The following EIF4E3 variants were observed in gnomAD, a reference collection of about 807,000 sequenced individuals.
EIF4E3 encodes the protein eukaryotic translation initiation factor 4E type 3.
A neutral mutation model predicts 31.7 loss-of-function variants in EIF4E3; 26 were observed. That is an observed-to-expected ratio of 0.82 (90% CI 0.60 to 1.14). The LOEUF (loss-of-function observed/expected upper bound fraction) is 1.14, where lower values mean the gene tolerates loss of function less well. Among genes scored for constraint, EIF4E3 ranks in the 50% most tolerant of loss-of-function variants. The pLI is 0.00. For synonymous variants in EIF4E3, 128 were observed against 107.7 expected (o/e 1.19, Z -1.17); for missense variants, 304 against 270.9 (o/e 1.12, Z -0.86).
chr3:71,746,674 A>T (rs933936411), intron 1 of EIF4E3, among the ~76,000 whole-genome samples: 2 of 152,162 alleles, frequency 1.3e-5, no homozygotes, highest in Non-Finnish European at 2.9e-5. Flanking sequence ...AATTTTTTTG[A>T]TAATTCTGTT....
the EIF4E3 span, among the ~76,000 whole-genome samples, chr3:71,665,198 A>C: frequency 1.3e-5 from 2 of 152,118 alleles, no homozygotes; most frequent in East Asian, 3.9e-4. Flanking sequence ...TATTTAAAAA[A>C]CTTATCCCAG....
At chr3:71,739,359 T>C (rs1467404446) in intron 1 of EIF4E3, among the ~76,000 whole-genome samples, 1 of 152,062 alleles carries the variant, frequency 6.6e-6, no homozygotes, top group Non-Finnish European at 1.5e-5. Context: ...TTTTCAGATA[T>C]GCAAGAGCTG....
rs1439772971 is a variant in EIF4E3, at chr3:71,676,641, C to T, written c.*8041G>A. On this transcript the variant is annotated 3_prime_UTR_variant, in exon 7 of 7. Coordinates refer to ENST00000425534, the MANE Select transcript of EIF4E3 (RefSeq NM_001134651.2). ...CTTAAAATGTATTTTACAATGAAAA[C>T]TTTGCCATATCTGAAAGTGTTTCTG... The T allele has an allele frequency of 4.0e-5, 6 of 151,840 alleles. No homozygotes were observed. The highest frequency in any genetic ancestry group is 1.5e-4 in the African/African-American group (6 of 41,292). 9.4% of individuals were successfully genotyped at this position (151,840 alleles called of 1,614,324 possible).
intron 1 of EIF4E3, among the ~76,000 whole-genome samples, chr3:71,739,398 C>G (rs761483470): frequency 6.6e-5 from 10 of 151,892 alleles, no homozygotes; most frequent in Admixed American, 6.6e-4. Context: ...AAATCAACAC[C>G]ATAAGAAATG....
intron 1 of EIF4E3, among the ~76,000 whole-genome samples, chr3:71,752,871 A>G (rs1466033956): frequency 6.6e-6 from 1 of 152,226 alleles, no homozygotes; most frequent in African/African-American, 2.4e-5. Context: ...GTCCTGCGAG[A>G]CAAATGCGGT....
At chr3:71,753,132 GC>G (rs2108171140) in intron 1 of EIF4E3, among the ~76,000 whole-genome samples, 1 of 152,244 alleles carries the variant, frequency 6.6e-6, no homozygotes, top group African/African-American at 2.4e-5. Flanking sequence ...CTACTTCCCG[GC>G]TCTCAACTCC....
At chr3:71,699,268 A>G (rs35269191) in intron 3 of EIF4E3, among the ~76,000 whole-genome samples, 9,532 of 152,110 alleles carry the variant, frequency 0.063, 448 homozygotes, top group Non-Finnish European at 0.099. Context: ...AACAAAAAAA[A>G]CCCCACAAAA....
rs1363196201 is a variant in EIF4E3 at position 71,676,258 on chromosome 3, C to T, written c.*8424G>A. The T allele has an allele frequency of 6.6e-6, 1 of 152,074 alleles. No individual in the cohort carries two copies. The highest frequency in any genetic ancestry group is 1.5e-5 in the Non-Finnish European group (1 of 68,024). The allele number at this position is 152,074 out of a possible 1,614,324, so 9.4% of individuals were successfully genotyped here. ...CTATATGTAAAATGATGTTTATCAC[C>T]TGTGATAAAACCAGAGAGAAATGCA... On this transcript the variant is annotated 3_prime_UTR_variant, in exon 7 of 7. Coordinates refer to ENST00000425534, the MANE Select transcript of EIF4E3 (RefSeq NM_001134651.2).
At chr3:71,669,551 T>G in the EIF4E3 span, among the ~76,000 whole-genome samples, 1 of 152,200 alleles carries the variant, frequency 6.6e-6, no homozygotes, top group Non-Finnish European at 1.5e-5. Context: ...AATATACAAA[T>G]GGATACGTTA....
At position 71,730,732 on chromosome 3, in the gene EIF4E3, T is replaced by C. The variant is rs554393712; in HGVS notation, c.-290-2109A>G. ...CTTTTTTTCTTTTTCTCTATTATTA[T>C]TGTTGTTGTTTTTTTTGAGACAGAG... On this transcript the variant is annotated intron_variant, in intron 1 of 7. Transcript: ENST00000295612. Among the ~76,000 whole-genome samples the C allele has an allele frequency of 1.1e-4, 16 of 141,190 alleles. No homozygotes were observed. The East Asian group carries it at 1.5e-3, about 14-fold the overall frequency. 92.6% of individuals were successfully genotyped at this position (141,190 alleles called of 152,430 possible).
At chr3:71,703,971 C>T (rs529375054) in intron 2 of EIF4E3, among the ~76,000 whole-genome samples, 1 of 152,178 alleles carries the variant, frequency 6.6e-6, no homozygotes, top group East Asian at 1.9e-4. Flanking sequence ...TATTTATGGG[C>T]AGGGCCAATA....
intron 5 of EIF4E3, among the ~76,000 whole-genome samples, chr3:71,691,055 T>G (rs1179463418): frequency 6.6e-6 from 1 of 152,228 alleles, no homozygotes. Flanking sequence ...TTTACATAAA[T>G]TTGCAGCAAA....
Position 71,682,516 on chromosome 3 carries a change from T to G in EIF4E3, c.*2166A>C, listed in dbSNP as rs1201456767. 2 of 152,256 alleles carry G rather than the reference T, an allele frequency of 1.3e-5. No homozygotes were observed. Among genetic ancestry groups the G allele is most frequent in the Non-Finnish European group, 2.9e-5 (2 of 68,046 alleles). 9.4% of individuals were successfully genotyped at this position (152,256 alleles called of 1,614,324 possible). On this transcript the variant is annotated 3_prime_UTR_variant, in exon 7 of 7. Coordinates refer to ENST00000425534, the MANE Select transcript of EIF4E3 (RefSeq NM_001134651.2). ...TACAAAGTCTATTATGATTAAATAT[T>G]CAATTAAAACAATTTCCAAACCAAA... is the stretch of plus-strand genomic sequence containing the variant.
chr3:71,754,046 C>T (rs1456666263), upstream of EIF4E3: 3 of 1,245,570 alleles, frequency 2.4e-6, no homozygotes, highest in Non-Finnish European at 3.1e-6. This position sits in a 1 kb window ranked among gnomAD's most constrained non-coding sequence, Gnocchi z 5.8. Context: ...CTGGTGAGGC[C>T]GCGATGGCGA....
In EIF4E3 at chr3:71,714,281, G is replaced by C. The variant is rs867594863; in HGVS notation, c.177-3797C>G. 2.1e-3 allele frequency among the ~76,000 whole-genome samples: 246 copies of C among 119,546 alleles called. 1 individual carries two copies. The highest frequency in any genetic ancestry group is 0.011 in the South Asian group (41 of 3,672). The allele number at this position is 119,546 out of a possible 152,430, so 78.4% of individuals were successfully genotyped here. On this transcript the variant is annotated intron_variant, in intron 1 of 6. Coordinates refer to ENST00000425534, the MANE Select transcript of EIF4E3 (RefSeq NM_001134651.2). ...AGGAAGGAAGGAAGGAAAGAAGGAA[G>C]GAAGGAAGGAAGGAAGGAAGGAACG...
At chr3:71,715,506 A>C (rs927030890) in intron 1 of EIF4E3, among the ~76,000 whole-genome samples, 1 of 152,246 alleles carries the variant, frequency 6.6e-6, no homozygotes, top group African/African-American at 2.4e-5. Context: ...GGTGGGAAAG[A>C]AAGCTGAGGG....
intron 3 of EIF4E3, among the ~76,000 whole-genome samples, chr3:71,698,680 A>T (rs4387935): frequency 6.6e-6 from 1 of 151,980 alleles, no homozygotes; most frequent in African/African-American, 2.4e-5. Flanking sequence ...TGAGACCCAG[A>T]CCTGGGATTT....
At chr3:71,662,310 GA>G in the EIF4E3 span, among the ~76,000 whole-genome samples, 1 of 149,924 alleles carries the variant, frequency 6.7e-6, no homozygotes. Flanking sequence ...CCAGCTAAGT[GA>G]TGCTGGGCAA....
chr3:71,696,263 T>C (rs1424710074), intron 4 of EIF4E3, among the ~76,000 whole-genome samples, 197 bp downstream of exon 4: 2 of 152,210 alleles, frequency 1.3e-5, no homozygotes, highest in Non-Finnish European at 2.9e-5. Context: ...ACCACGTCTA[T>C]AGAGAAGCAC....
Sources: gnomAD v4.1 joint callset for allele counts (sites outside exome capture counted in the v4.1 genomes callset) on GRCh38, gnomAD v4.1.1 for gene constraint, Gnocchi (gnomAD v3.1) non-coding constraint, MANE v1.5 for transcripts, NCBI Gene and HGNC (gene_info 2026-07-23, HGNC 2026-07-21) for gene names.